FAM241B: variants seen among roughly 807,000 people sequenced by gnomAD.
The protein encoded by FAM241B is family with sequence similarity 241 member B, also known as protein FAM241B.
FAM241B carries 7 observed loss-of-function variants against 9.3 expected under a neutral mutation model. The ratio of observed to expected loss-of-function variants is 0.75; its 90% CI spans 0.43 to 1.41. The LOEUF (loss-of-function observed/expected upper bound fraction) is 1.41. Among genes scored for constraint, FAM241B ranks in the 40% most tolerant of loss-of-function variants. The pLI, the probability that FAM241B is intolerant of heterozygous loss-of-function variation, is 0.01. For synonymous variants in FAM241B, 60 were observed against 64.1 expected (o/e 0.94, Z 0.31); for missense variants, 136 against 159.6 (o/e 0.85, Z 0.80).
rs761611484 is a variant in FAM241B, at chr10:69,632,984, G to C, written c.291G>C (p.Leu97=). 3.7e-6 allele frequency: 6 copies of C among 1,614,068 alleles called. No homozygotes were observed. The highest frequency in any genetic ancestry group is 3.3e-5 in the Admixed American group (2 of 60,006). ...EPVTSILLLF[L]LMMLGVRGLL... ...TGACCTCCATCCTGCTCCTCTTCCT[G>C]CTCATGATGCTTGGTGTTCGTGGCC... The change falls in exon 4 of 4, where the codon CTG becomes CTC. Residue 97 remains leucine (L), a synonymous_variant. Transcript: ENST00000373279.
rs750521333 is a variant in FAM241B, at chr10:69,632,880, C to A, written c.187C>A (p.Pro63Thr). ...AGARLGAAQS[P>T]FNDLNRQLVN... The stretch of plus-strand genomic sequence containing the variant: ...TGCCAGGCTGGGTGCTGCTCAGTCC[C>A]CCTTCAATGACCTCAACCGGCAGCT... Residue 63 changes from proline to threonine, a missense_variant, in exon 4 of 4, where the codon CCC becomes ACC. Pro to Thr is a conservative substitution (Grantham distance 38). Transcript: ENST00000373279. The A allele has an allele frequency of 3.7e-6, 6 of 1,614,110 alleles. No individual in the cohort carries two copies. Among genetic ancestry groups the A allele is most frequent in the Non-Finnish European group, 5.1e-6 (6 of 1,180,052 alleles).
chr10:69,633,043 A>G lies in FAM241B; in HGVS notation c.350A>G (p.His117Arg). 2 of 1,614,102 alleles carry G rather than the reference A, an allele frequency of 1.2e-6. No individual in the cohort carries two copies. Among genetic ancestry groups the G allele is most frequent in the Non-Finnish European group, 1.7e-6 (2 of 1,180,018 alleles). The change falls in exon 4 of 4, where the codon CAC becomes CGC. Residue 117 changes from histidine (H) to arginine (R), a missense_variant. Transcript: ENST00000373279. ...GTTGGCCTTGTCTACCTGGTGTCCC[A>G]CCTGAGTCAGCGGTGACCTCTGAGG... ...LLVGLVYLVS[H>R]LSQR
At chr10:69,630,776 A>G in intron 1 of FAM241B, 4 of 782,660 alleles carry the variant, frequency 5.1e-6, no homozygotes, top group Non-Finnish European at 6.9e-6. Context: ...TTCGAGGGCC[A>G]CCGCAGCAAC....
At position 69,631,758 on chromosome 10, in the gene FAM241B, G is replaced by T; in HGVS notation, c.15G>T (p.Leu5Phe). 3.1e-6 allele frequency: 5 copies of T among 1,613,236 alleles called. No individual in the cohort carries two copies. Among genetic ancestry groups the T allele is most frequent in the East Asian group, 4.5e-5 (2 of 44,866 alleles). Residue 5 changes from leucine (L) to phenylalanine (F), a missense_variant, in exon 3 of 4, where the codon TTG becomes TTT. By Grantham distance (22) the Leu-to-Phe change is conservative (BLOSUM62 0). Coordinates refer to ENST00000373279, the MANE Select transcript of FAM241B (RefSeq NM_145306.3). MVRI[L>F]ANGEIVQDDD... ...CGCCTGGGAGGATGGTGCGGATCTTGGCCAATGGGGAAATCGTGCAGGATG... is the reference window on the plus strand; with the variant it reads ...CGCCTGGGAGGATGGTGCGGATCTTTGCCAATGGGGAAATCGTGCAGGATG...
intron 1 of FAM241B, 174 bp downstream of exon 1, chr10:69,630,487 G>A (rs1284958831): frequency 5.8e-6 from 2 of 343,434 alleles, no homozygotes; most frequent in Non-Finnish European, 8.5e-6. Flanking sequence ...CCACCGGGCG[G>A]GGGCGCGATG....
At chr10:69,631,972 A>C in intron 3 of FAM241B, 133 bp downstream of exon 3, 1 of 1,249,538 alleles carries the variant, frequency 8.0e-7, no homozygotes, top group South Asian at 1.5e-5. Flanking sequence ...GCTGGGGAAG[A>C]TGCAGTGGCT....
rs1051256836 is a variant in FAM241B at position 69,632,896 on chromosome 10, A to G, written c.203A>G (p.Asn68Ser). The G allele has an allele frequency of 6.2e-7, 1 of 1,614,082 alleles. No individual in the cohort carries two copies. ...GCTCAGTCCCCCTTCAATGACCTCA[A>G]CCGGCAGCTGGTGAACATGGGCTTT... Reference protein sequence around the residue: ...GAAQSPFNDLNRQLVNMGFPQ... With the variant: ...GAAQSPFNDLSRQLVNMGFPQ... The change falls in exon 4 of 4, where the codon AAC (asparagine) becomes AGC (serine). Residue 68 changes from asparagine (N) to serine (S), a missense_variant. By Grantham distance (46) the Asn-to-Ser change is conservative. Transcript: ENST00000373279.
chr10:69,630,935 C>T (rs773448739), intron 1 of FAM241B, among the ~76,000 whole-genome samples: 4 of 152,248 alleles, frequency 2.6e-5, no homozygotes, highest in Non-Finnish European at 4.4e-5. Context: ...GATGGTCTGC[C>T]GCTACCAGGC....
chr10:69,631,645 G>A, intron 2 of FAM241B, 64 bp from the exon 3 acceptor site: 2 of 1,557,238 alleles, frequency 1.3e-6, no homozygotes, highest in Non-Finnish European at 1.7e-6. Context: ...AAGGTTTTGT[G>A]GTGGGGAGAA....
intron 3 of FAM241B, 86 bp from the exon 4 acceptor site, chr10:69,632,704 G>A (rs1013443029): frequency 2.0e-6 from 3 of 1,473,254 alleles, no homozygotes; most frequent in Non-Finnish European, 2.8e-6. Flanking sequence ...GCTGTAGGAA[G>A]GGCAGGATGC....
chr10:69,632,480 AGAAAG>A (rs1839845829), intron 3 of FAM241B, among the ~76,000 whole-genome samples: 1 of 138,336 alleles, frequency 7.2e-6, no homozygotes, highest in African/African-American at 2.7e-5. Flanking sequence ...AAAAAAAAAA[AGAAAG>A]GAGTGATGAT....
intron 1 of FAM241B, 84 bp from the exon 2 acceptor site, chr10:69,631,396 A>G (rs762397313): frequency 2.6e-6 from 3 of 1,149,486 alleles, no homozygotes; most frequent in East Asian, 4.4e-5. Flanking sequence ...GATCTTTTTG[A>G]TAGTTTTCCT....
Position 69,631,375 on chromosome 10 carries a change from C to T in FAM241B, c.-103-105C>T, listed in dbSNP as rs1325070906. ...AGTGTAGTGATTGGCAGTAAAACTT[C>T]CTTTGCCAAGGATCTTTTTGATAGT... On this transcript the variant is annotated intron_variant, in intron 1 of 3. Coordinates refer to ENST00000373279, the MANE Select transcript of FAM241B (RefSeq NM_145306.3). 9.3e-6 allele frequency: 9 copies of T among 969,860 alleles called. No individual in the cohort carries two copies. The East Asian group carries it at 4.2e-4, about 45-fold the overall frequency. 60.1% of individuals were successfully genotyped at this position (969,860 alleles called of 1,614,324 possible). A position where few individuals can be genotyped will look rare whatever the true frequency, so the allele number is the denominator to read the frequency against.
In FAM241B at chr10:69,632,945, T is replaced by A. The variant is rs145356439; in HGVS notation, c.252T>A (p.His84Gln). The change falls in exon 4 of 4, where the codon CAT (histidine) becomes CAA (glutamine). Residue 84 changes from histidine (H) to glutamine (Q), a missense_variant. Physicochemically the swap from His to Gln is conservative, Grantham distance 24 (BLOSUM62 0). Transcript: ENST00000373279. ...MGFPQWHLGNHAVEPVTSILL... is the reference protein window; with the variant it reads ...MGFPQWHLGNQAVEPVTSILL... ...TTCCGCAGTGGCATCTTGGCAACCA[T>A]GCTGTGGAGCCGGTGACCTCCATCC... is the stretch of plus-strand genomic sequence containing the variant. 522 of 1,614,184 alleles carry A rather than the reference T, an allele frequency of 3.2e-4. 1 individual carries two copies. The Middle Eastern group carries it at 5.6e-3, about 17-fold the overall frequency.
Position 69,631,772 on chromosome 10 carries a change from T to A in FAM241B, c.29T>A (p.Ile10Asn). The A allele has an allele frequency of 6.2e-7, 1 of 1,613,224 alleles. No homozygotes were observed. Among genetic ancestry groups the A allele is most frequent in the Non-Finnish European group, 8.5e-7 (1 of 1,179,852 alleles). ...GTGCGGATCTTGGCCAATGGGGAAA[T>A]CGTGCAGGATGACGACCCCCGAGTG... is the stretch of plus-strand genomic sequence containing the variant. MVRILANGE[I>N]VQDDDPRVRT... Residue 10 changes from isoleucine to asparagine, a missense_variant, in exon 3 of 4, where the codon ATC becomes AAC. By Grantham distance (149) the Ile-to-Asn change is moderately radical (BLOSUM62 -3). Coordinates refer to ENST00000373279, the MANE Select transcript of FAM241B (RefSeq NM_145306.3).
chr10:69,632,088 G>A (rs34436331), intron 3 of FAM241B, among the ~76,000 whole-genome samples: 77 of 152,134 alleles, frequency 5.1e-4, no homozygotes, highest in Non-Finnish European at 8.7e-4. Context: ...TGGAGCTAGC[G>A]TCTTTCTTTT....
intron 1 of FAM241B, 35 bp from the exon 2 acceptor site, chr10:69,631,445 A>C: frequency 6.9e-7 from 1 of 1,446,194 alleles, no homozygotes; most frequent in South Asian, 1.2e-5. Context: ...CCTGGCAAAC[A>C]ACTTGCCTTT....
At position 69,633,041 on chromosome 10, in the gene FAM241B, C is replaced by G; in HGVS notation, c.348C>G (p.Ser116=). 6.2e-7 allele frequency: 1 copy of G among 1,614,144 alleles called. No homozygotes were observed. Residue 116 remains serine, a synonymous_variant, in exon 4 of 4, where the codon TCC becomes TCG. Coordinates refer to ENST00000373279, the MANE Select transcript of FAM241B (RefSeq NM_145306.3). ...TGGTTGGCCTTGTCTACCTGGTGTC[C>G]CACCTGAGTCAGCGGTGACCTCTGA... ...LLLVGLVYLV[S]HLSQR is the part of the protein sequence containing the mutation.
chr10:69,630,692 T>C, intron 1 of FAM241B: 1 of 1,292,346 alleles, frequency 7.7e-7, no homozygotes, highest in Non-Finnish European at 1.0e-6. Context: ...CTCCTGAGAA[T>C]GAATGGCCTT....
Sources: gnomAD v4.1 joint callset for allele counts (sites outside exome capture counted in the v4.1 genomes callset) on GRCh38, gnomAD v4.1.1 for gene constraint, MANE v1.5 for transcripts, NCBI Gene and HGNC (gene_info 2026-07-23, HGNC 2026-07-21) for gene names.